RBM47: variants seen among roughly 807,000 people sequenced by gnomAD.
The protein encoded by RBM47 is RNA binding motif protein 47.
Under a neutral mutation model 47.1 loss-of-function variants are expected in RBM47, and 21 were observed. That is an observed-to-expected ratio of 0.45 (90% CI 0.32 to 0.64). The LOEUF (loss-of-function observed/expected upper bound fraction) is 0.64, where lower values mean the gene tolerates loss of function less well. Among genes scored for constraint, RBM47 ranks in the 30% least tolerant of loss-of-function variants. The pLI, the probability that RBM47 is intolerant of heterozygous loss-of-function variation, is 0.05. For missense variants in RBM47, 708 were observed against 870.9 expected (o/e 0.81, Z 2.35); for synonymous variants, 375 against 361.7 (o/e 1.04, Z -0.42).
At chr4:40,489,755 A>G (rs975241720) in intron 2 of RBM47, among the ~76,000 whole-genome samples, 6 of 152,226 alleles carry the variant, frequency 3.9e-5, no homozygotes, top group Admixed American at 1.3e-4. Context: ...AAGTCTAATT[A>G]CCACCAATCC....
At chr4:40,485,165 G>C (rs1455021992) in intron 2 of RBM47, among the ~76,000 whole-genome samples, 2 of 152,180 alleles carry the variant, frequency 1.3e-5, no homozygotes, top group Admixed American at 6.5e-5. Flanking sequence ...CACACACACA[G>C]AAATTCACTA....
chr4:40,586,958 C>T (rs1444727518), intron 1 of RBM47, among the ~76,000 whole-genome samples: 3 of 152,024 alleles, frequency 2.0e-5, no homozygotes, highest in African/African-American at 4.8e-5. Flanking sequence ...GTGATTTCCT[C>T]GGGCCTTAGT....
intron 1 of RBM47, among the ~76,000 whole-genome samples, chr4:40,558,637 G>A (rs1730322048): frequency 6.6e-6 from 1 of 151,968 alleles, no homozygotes. Flanking sequence ...AGACTAGCCT[G>A]GCCAACATGG....
At chr4:40,558,973 G>C (rs1309001239) in intron 1 of RBM47, among the ~76,000 whole-genome samples, 2 of 152,148 alleles carry the variant, frequency 1.3e-5, no homozygotes, top group Non-Finnish European at 2.9e-5. Flanking sequence ...CAGCCTGGGT[G>C]ACAGAGTGAG....
At chr4:40,432,608 A>C in intron 6 of RBM47, 43 bp downstream of exon 6, 1 of 1,607,790 alleles carries the variant, frequency 6.2e-7, no homozygotes, top group Non-Finnish European at 8.5e-7. Context: ...TGTTAAAGAG[A>C]GGCTTCACAC....
intron 1 of RBM47, among the ~76,000 whole-genome samples, chr4:40,593,758 C>G (rs1578033427): frequency 6.6e-6 from 1 of 152,004 alleles, no homozygotes; most frequent in South Asian, 2.1e-4. Context: ...GTGGCGGGCA[C>G]CTGTAGTCCC....
chr4:40,618,829 AAAAAAG>A (rs1388238881), intron 1 of RBM47, among the ~76,000 whole-genome samples: 10 of 150,192 alleles, frequency 6.7e-5, no homozygotes, highest in Non-Finnish European at 1.3e-4. Context: ...AAAAAAAAAA[AAAAAAG>A]GGAAACTTCC....
At chr4:40,518,221 T>G (rs1288970331) in intron 2 of RBM47, among the ~76,000 whole-genome samples, 1 of 132,336 alleles carries the variant, frequency 7.6e-6, no homozygotes, top group East Asian at 2.5e-4. Context: ...CATGTTGGAG[T>G]GCAGTGGTGC....
intron 2 of RBM47, among the ~76,000 whole-genome samples, chr4:40,517,068 G>A (rs1408296100): frequency 6.6e-6 from 1 of 151,956 alleles, no homozygotes; most frequent in Non-Finnish European, 1.5e-5. Flanking sequence ...CTCTGCATTA[G>A]GGTATTTGCG....
intron 2 of RBM47, among the ~76,000 whole-genome samples, chr4:40,528,714 G>A (rs750900811): frequency 3.7e-4 from 56 of 152,074 alleles, no homozygotes; most frequent in Non-Finnish European, 6.6e-4. Flanking sequence ...GCAGTGAGCC[G>A]AGATCGTGCC....
intron 1 of RBM47, among the ~76,000 whole-genome samples, chr4:40,615,084 C>G (rs922129670): frequency 2.0e-5 from 3 of 152,010 alleles, no homozygotes; most frequent in African/African-American, 7.3e-5. Context: ...TATGATCACA[C>G]CACTGAACTC....
At chr4:40,557,013 G>A (rs75615725) in intron 1 of RBM47, among the ~76,000 whole-genome samples, 12,334 of 152,030 alleles carry the variant, frequency 0.081, 802 homozygotes, top group African/African-American at 0.18. Flanking sequence ...GAAAGTGTAC[G>A]CTCATTAAAA....
intron 1 of RBM47, among the ~76,000 whole-genome samples, chr4:40,608,929 A>C (rs921561093): frequency 6.6e-6 from 1 of 152,164 alleles, no homozygotes; most frequent in African/African-American, 2.4e-5. Context: ...GAAAAACGAG[A>C]TGACACGAAA....
chr4:40,551,243 G>C (rs1421830673), intron 1 of RBM47, among the ~76,000 whole-genome samples: 1 of 152,126 alleles, frequency 6.6e-6, no homozygotes, highest in East Asian at 1.9e-4. Flanking sequence ...AATACATATG[G>C]TTCGAGGCTG....
chr4:40,492,316 T>C (rs1472415771), intron 2 of RBM47, among the ~76,000 whole-genome samples: 2 of 152,086 alleles, frequency 1.3e-5, no homozygotes, highest in African/African-American at 4.8e-5. Flanking sequence ...GCTGCAGTGA[T>C]TGTGCCACTG....
intron 1 of RBM47, among the ~76,000 whole-genome samples, chr4:40,617,792 GC>G (rs1451161730): frequency 6.7e-6 from 1 of 149,708 alleles, no homozygotes; most frequent in Non-Finnish European, 1.5e-5. Flanking sequence ...TTTAATGTTT[GC>G]CCCCAACCCC....
intron 1 of RBM47, among the ~76,000 whole-genome samples, chr4:40,554,787 T>C (rs1193983979): frequency 1.3e-5 from 2 of 151,584 alleles, no homozygotes. Flanking sequence ...TCTTCCTTTT[T>C]TTTTTAACGA....
chr4:40,446,406 A>G (rs1714528812), intron 3 of RBM47, among the ~76,000 whole-genome samples: 1 of 152,114 alleles, frequency 6.6e-6, no homozygotes, highest in African/African-American at 2.4e-5. Context: ...TTAGTGCAGA[A>G]CCTAGCACTA....
chr4:40,589,938 T>C (rs930580061), intron 1 of RBM47, among the ~76,000 whole-genome samples: 3 of 151,976 alleles, frequency 2.0e-5, no homozygotes, highest in African/African-American at 7.2e-5. Context: ...TTTGATAGAA[T>C]CCTGAGCCCA....
Sources: gnomAD v4.1 joint callset for allele counts (sites outside exome capture counted in the v4.1 genomes callset) on GRCh38, gnomAD v4.1.1 for gene constraint, MANE v1.5 for transcripts, NCBI Gene and HGNC (gene_info 2026-07-23, HGNC 2026-07-21) for gene names.